Variants in CARF observed in about 807,000 individuals in gnomAD.
CARF encodes the protein calcium responsive transcription factor.
CARF carries 57 observed loss-of-function variants against 82.0 expected under a neutral mutation model. The observed-to-expected ratio is 0.70, with a 90% CI of 0.56 to 0.87. The LOEUF (loss-of-function observed/expected upper bound fraction) is 0.87, where lower values mean the gene tolerates loss of function less well. CARF is among the 40% of genes least tolerant of loss of function. CARF has a pLI of 0.00. For missense variants in CARF, 771 were observed against 855.8 expected, an observed-to-expected ratio of 0.90 and a Z score of 1.24; for synonymous variants, 268 against 290.1, an observed-to-expected ratio of 0.92 and a Z score of 0.77.
intron 9 of CARF, among the ~76,000 whole-genome samples, chr2:202,965,895 T>G (rs962535308): frequency 2.0e-5 from 3 of 152,212 alleles, no homozygotes; most frequent in South Asian, 2.1e-4. Context: ...AAACGTTAAT[T>G]ATCTCACAGT....
chr2:202,923,636 T>C (rs369981688), intron 2 of CARF, among the ~76,000 whole-genome samples: 1 of 152,116 alleles, frequency 6.6e-6, no homozygotes, highest in Admixed American at 6.6e-5. Context: ...CTAAAATTCA[T>C]GTGGAACTAA....
At chr2:202,918,181 T>C (rs1690079992) in intron 2 of CARF, 138 bp downstream of exon 2, 1 of 301,526 alleles carries the variant, frequency 3.3e-6, no homozygotes, top group South Asian at 2.9e-5. Context: ...GGAAAAAACA[T>C]TTTATACTTA....
chr2:202,971,614 G>A lies in CARF; in HGVS notation c.1207G>A (p.Glu403Lys), dbSNP rs2059793928. The change falls in exon 12 of 17, where the codon GAA becomes AAA. Residue 403 changes from glutamate to lysine, a missense_variant. Glu to Lys is a moderately conservative substitution (Grantham distance 56, BLOSUM62 1). Transcript: ENST00000438828. ...PFPVSSLEEE[E>K]TAVRDENCAL... ...TCCTGTGTCTTCTCTTGAAGAAGAGGAAACTGCAGTTAGAGATGAGAATTG... is the reference window on the plus strand; with the variant it reads ...TCCTGTGTCTTCTCTTGAAGAAGAGAAAACTGCAGTTAGAGATGAGAATTG... 3 of 1,613,482 alleles carry A rather than the reference G, an allele frequency of 1.9e-6. No homozygotes were observed. Among genetic ancestry groups the A allele is most frequent in the Non-Finnish European group, 2.5e-6 (3 of 1,179,756 alleles).
rs1239162636 is a variant in CARF, at chr2:202,951,863, C to T, written c.307-696C>T. Among the ~76,000 whole-genome samples, 7 of 149,644 alleles carry T rather than the reference C, an allele frequency of 4.7e-5. No individual in the cohort carries two copies. The East Asian group carries it at 7.8e-4, about 17-fold the overall frequency. Reference sequence around the variant, plus strand: ...TTTTTTTTTTTTTGAGACAGAGTCTCGCTCTGTCGCCCAGGCTGGAGTATA... The same window carrying T: ...TTTTTTTTTTTTTGAGACAGAGTCTTGCTCTGTCGCCCAGGCTGGAGTATA... On this transcript the variant is annotated intron_variant, in intron 5 of 16. Transcript: ENST00000438828.
chr2:202,963,780 T>C (rs1369076562), intron 9 of CARF, among the ~76,000 whole-genome samples: 3 of 152,146 alleles, frequency 2.0e-5, no homozygotes, highest in Non-Finnish European at 4.4e-5. Context: ...ATCCCTTGCA[T>C]GTGCAGTTCA....
intron 10 of CARF, among the ~76,000 whole-genome samples, chr2:202,968,550 C>G (rs538150459): frequency 6.7e-6 from 1 of 148,836 alleles, no homozygotes; most frequent in East Asian, 2.0e-4. Context: ...TTTTTTTTTT[C>G]CATTTAGCCT....
At chr2:202,952,332 A>G (rs1288945048) in intron 5 of CARF, among the ~76,000 whole-genome samples, 1 of 152,172 alleles carries the variant, frequency 6.6e-6, no homozygotes, top group African/African-American at 2.4e-5. Context: ...TTAAGACCCT[A>G]GGATTAGGGT....
chr2:202,930,968 CTTTTTTTTTTTT>C (rs1007407230), intron 3 of CARF, among the ~76,000 whole-genome samples: 3 of 103,216 alleles, frequency 2.9e-5, no homozygotes, highest in Non-Finnish European at 6.0e-5. Flanking sequence ...TTTTTCTTTT[CTTTTTTTTTTTT>C]TTTTTTTTTT....
chr2:202,915,713 C>T (rs1035945884), intron 1 of CARF, among the ~76,000 whole-genome samples: 1 of 152,020 alleles, frequency 6.6e-6, no homozygotes, highest in African/African-American at 2.4e-5. Flanking sequence ...TGTGATCCAT[C>T]TGCTCAGCCT....
chr2:202,979,314 G>A (rs2060152941), intron 14 of CARF, among the ~76,000 whole-genome samples: 1 of 152,088 alleles, frequency 6.6e-6, no homozygotes, highest in Admixed American at 6.6e-5. Context: ...AGAATGAGAT[G>A]TTTGAACTTG....
intron 3 of CARF, among the ~76,000 whole-genome samples, chr2:202,929,126 A>G (rs1162169036): frequency 2.0e-5 from 3 of 152,050 alleles, no homozygotes; most frequent in Non-Finnish European, 4.4e-5. Context: ...GTTTGCAAAT[A>G]TTTTCTTCCA....
intron 5 of CARF, among the ~76,000 whole-genome samples, chr2:202,944,470 C>T (rs533132968): frequency 5.9e-5 from 9 of 152,298 alleles, no homozygotes; most frequent in African/African-American, 2.2e-4. Context: ...TGTTTCTGTT[C>T]ATAATCTAGA....
chr2:202,919,829 C>T (rs1207600653), intron 2 of CARF, among the ~76,000 whole-genome samples: 1 of 152,128 alleles, frequency 6.6e-6, no homozygotes, highest in African/African-American at 2.4e-5. Flanking sequence ...AGCCACTCAG[C>T]ATATTTGTAA....
At chr2:202,976,558 C>T (rs2060037994) in intron 13 of CARF, among the ~76,000 whole-genome samples, 1 of 152,056 alleles carries the variant, frequency 6.6e-6, no homozygotes, top group Admixed American at 6.6e-5. Flanking sequence ...AGATTAATTA[C>T]CCAGAAACAA....
intron 2 of CARF, among the ~76,000 whole-genome samples, chr2:202,922,172 G>A (rs1160700363): frequency 1.3e-5 from 2 of 152,032 alleles, no homozygotes; most frequent in Non-Finnish European, 2.9e-5. Context: ...GTCTTGCCCT[G>A]TCATGATCAT....
chr2:202,957,731 G>A (rs1001843755), intron 8 of CARF, among the ~76,000 whole-genome samples: 1 of 152,150 alleles, frequency 6.6e-6, no homozygotes, highest in Non-Finnish European at 1.5e-5. Flanking sequence ...AAAGCGGGCA[G>A]ATCACTTGAG....
chr2:202,986,951 A>T lies in CARF; in HGVS notation c.*3327A>T, dbSNP rs2060472473. ...GTCCTTGTTACCATGTATTTTTTTC[A>T]TTAAAAATCCTGCTTTTTTTTTATA... On this transcript the variant is annotated 3_prime_UTR_variant, in exon 17 of 17. Coordinates refer to ENST00000438828, the MANE Select transcript of CARF (RefSeq NM_024744.17). 1 of 106,564 alleles carries T rather than the reference A, an allele frequency of 9.4e-6. No homozygotes were observed. Among genetic ancestry groups the T allele is most frequent in the Non-Finnish European group, 2.1e-5 (1 of 48,656 alleles). 6.6% of individuals were successfully genotyped at this position (106,564 alleles called of 1,614,324 possible). A position where few individuals can be genotyped will look rare whatever the true frequency, so the allele number is the denominator to read the frequency against.
chr2:202,931,044 G>A (rs899093650), intron 3 of CARF, among the ~76,000 whole-genome samples: 6 of 138,356 alleles, frequency 4.3e-5, no homozygotes, highest in South Asian at 2.2e-4. Flanking sequence ...GTGCAGTCTC[G>A]GCTCACCACA....
chr2:202,958,849 G>A (rs950779248), intron 8 of CARF, among the ~76,000 whole-genome samples: 2 of 146,308 alleles, frequency 1.4e-5, no homozygotes, highest in African/African-American at 5.1e-5. Flanking sequence ...AGGTTGCAGT[G>A]AGCTGAGATC....
Sources: allele counts gnomAD v4.1 joint callset (sites outside exome capture counted in the v4.1 genomes callset), GRCh38; gene constraint gnomAD v4.1.1; transcripts MANE v1.5; gene names NCBI Gene and HGNC (gene_info 2026-07-23, HGNC 2026-07-21).